Variants in ROS1 observed in about 807,000 individuals in gnomAD.
The protein encoded by ROS1 is ROS proto-oncogene 1, receptor tyrosine kinase, also known as proto-oncogene tyrosine-protein kinase ROS.
A neutral mutation model predicts 273.5 loss-of-function variants in ROS1; 263 were observed. The ratio of observed to expected loss-of-function variants is 0.96; its 90% CI spans 0.87 to 1.06. The LOEUF is 1.06. Ranked by LOEUF, ROS1 falls within the 50% of genes least tolerant of loss-of-function variation. ROS1 has a pLI of 0.00. For synonymous variants in ROS1, 1,008 were observed against 954.1 expected (o/e 1.06, Z -1.04); for missense variants, 2,833 against 2,751.1 (o/e 1.03, Z -0.67).
Position 117,288,698 on chromosome 6 carries a change from C to T in ROS1, c.6820G>A (p.Glu2274Lys), listed in dbSNP as rs1319948197. The T allele has an allele frequency of 6.2e-7, 1 of 1,614,154 alleles. No individual in the cohort carries two copies. ...GACTTTTCTTCACCTTGGCCACATT[C>T]TGTAGCAAGTACCATATAGTTTAAC... ...EGLNYMVLATECGQGEEKSEG... is the reference protein window; with the variant it reads ...EGLNYMVLATKCGQGEEKSEG... Residue 2274 changes from glutamate to lysine, a missense_variant, in exon 44 of 44, where the codon GAA (glutamate) becomes AAA (lysine). Transcript: ENST00000368507.
Position 117,288,467 on chromosome 6 carries a change from ACT to A in ROS1, c.*23_*24del, listed in dbSNP as rs780688866. 33 of 1,573,896 alleles carry A rather than the reference ACT, an allele frequency of 2.1e-5. No individual in the cohort carries two copies. In the South Asian group the frequency reaches 3.9e-4, roughly 19 times the overall value. ...CTACTGAATGAGAGTGTTTATCTCA[ACT>A]CTCTATTTCCCAAACAACGCTATTA... On this transcript the variant is annotated 3_prime_UTR_variant, in exon 44 of 44. Coordinates refer to ENST00000368507, the MANE Select transcript of ROS1 (RefSeq NM_001378902.1).
intron 1 of ROS1, among the ~76,000 whole-genome samples, chr6:117,424,096 A>G (rs1775960691): frequency 6.6e-6 from 1 of 152,234 alleles, no homozygotes; most frequent in African/African-American, 2.4e-5. Context: ...AAACGACAGT[A>G]AAATAAAATG....
intron 34 of ROS1, 55 bp from the exon 35 acceptor site, chr6:117,324,470 C>G (rs2128575417): frequency 1.2e-6 from 1 of 815,406 alleles, no homozygotes; most frequent in Non-Finnish European, 2.0e-6. Flanking sequence ...CTAAGTTGCC[C>G]CAGCTCTACC....
At chr6:117,322,728 TACTC>T (rs1776366465) in intron 35 of ROS1, among the ~76,000 whole-genome samples, 1 of 152,192 alleles carries the variant, frequency 6.6e-6, no homozygotes, top group South Asian at 2.1e-4. Context: ...TTATTTTAAT[TACTC>T]AATCTTTTCT....
At chr6:117,343,106 C>T (rs1367884438) in intron 28 of ROS1, among the ~76,000 whole-genome samples, 8 of 150,840 alleles carry the variant, frequency 5.3e-5, no homozygotes, top group Admixed American at 2.6e-4. Flanking sequence ...TTTAAAGCTT[C>T]GATGTGCCGC....
At chr6:117,385,594 AT>A (rs1303594608) in intron 16 of ROS1, 88 bp downstream of exon 16, 10 of 1,121,008 alleles carry the variant, frequency 8.9e-6, no homozygotes, top group African/African-American at 1.6e-5. Flanking sequence ...GTGCACAGGT[AT>A]TTAAAAAAAA....
intron 18 of ROS1, among the ~76,000 whole-genome samples, chr6:117,378,135 A>G (rs1439873519): frequency 6.6e-6 from 1 of 152,188 alleles, no homozygotes; most frequent in Non-Finnish European, 1.5e-5. Flanking sequence ...GAATATAAAC[A>G]TCTATCTACC....
chr6:117,401,432 C>T lies in ROS1; in HGVS notation c.604+1707G>A, dbSNP rs573743021. 1.5e-4 allele frequency among the ~76,000 whole-genome samples: 23 copies of T among 152,310 alleles called. No homozygotes were observed. In the South Asian group the frequency reaches 3.5e-3, roughly 23 times the overall value. ...CCAAGTCTCTGGCTATGTGTCACATCGCACTTCCTACTTTAAAATCTATCA... is the reference window on the plus strand; with the variant it reads ...CCAAGTCTCTGGCTATGTGTCACATTGCACTTCCTACTTTAAAATCTATCA... On this transcript the variant is annotated intron_variant, in intron 7 of 43. Coordinates refer to ENST00000368507, the MANE Select transcript of ROS1 (RefSeq NM_001378902.1).
At chr6:117,377,770 A>C (rs996114139) in intron 18 of ROS1, among the ~76,000 whole-genome samples, 1 of 152,174 alleles carries the variant, frequency 6.6e-6, no homozygotes, top group Admixed American at 6.5e-5. Flanking sequence ...AGATAAACTA[A>C]ACACTGAGAC....
At chr6:117,329,694 T>A (rs1472111983) in intron 32 of ROS1, among the ~76,000 whole-genome samples, 1 of 152,024 alleles carries the variant, frequency 6.6e-6, no homozygotes, top group African/African-American at 2.4e-5. Context: ...AAGGCTGGCG[T>A]GACCCACAGA....
intron 43 of ROS1, among the ~76,000 whole-genome samples, chr6:117,294,231 T>C (rs1774043375): frequency 6.6e-6 from 1 of 152,106 alleles, no homozygotes; most frequent in African/African-American, 2.4e-5. Context: ...GAAAACATTT[T>C]CTCTAATAAC....
In ROS1 at chr6:117,359,923, A is replaced by C; in HGVS notation, c.3519T>G (p.Phe1173Leu). ...CGGCACTGATAACTCTTTCTGCTGA[A>C]AACGTCCACACAACTTGATTTTGAT... Reference protein sequence around the residue: ...DMDQNQVVWTFSAERVISAVC... With the variant: ...DMDQNQVVWTLSAERVISAVC... The change falls in exon 24 of 44, where the codon TTT becomes TTG. Residue 1173 changes from phenylalanine to leucine, a missense_variant. Transcript: ENST00000368507. The C allele has an allele frequency of 1.9e-6, 3 of 1,614,006 alleles. No individual in the cohort carries two copies. Among genetic ancestry groups the C allele is most frequent in the Non-Finnish European group, 2.5e-6 (3 of 1,179,918 alleles).
chr6:117,385,703 A>G lies in ROS1; in HGVS notation c.2269T>C (p.Trp757Arg), dbSNP rs761749336. Reference sequence around the variant, plus strand: ...CTCACCACATATGTCTTTCCAGCCCAGTAGAGAAAGTGACCCAGCCACTCA... The same window carrying G: ...CTCACCACATATGTCTTTCCAGCCCGGTAGAGAAAGTGACCCAGCCACTCA... ...AFEWLGHFLYWAGKTYVIQRQ... is the reference protein window; with the variant it reads ...AFEWLGHFLYRAGKTYVIQRQ... Residue 757 changes from tryptophan to arginine, a missense_variant, in exon 16 of 44, where the codon TGG becomes CGG. Transcript: ENST00000368507. The G allele has an allele frequency of 6.2e-7, 1 of 1,614,062 alleles. No homozygotes were observed. Among genetic ancestry groups the G allele is most frequent in the Non-Finnish European group, 8.5e-7 (1 of 1,180,010 alleles).
intron 42 of ROS1, among the ~76,000 whole-genome samples, chr6:117,307,893 C>G (rs1306633920): frequency 6.6e-6 from 1 of 152,142 alleles, no homozygotes; most frequent in Admixed American, 6.6e-5. Context: ...CTGTACCACA[C>G]AGTTTAGCAC....
chr6:117,403,016 C>T, intron 7 of ROS1, 123 bp downstream of exon 7: 1 of 1,056,824 alleles, frequency 9.5e-7, no homozygotes, highest in Non-Finnish European at 1.4e-6. Context: ...TAGTTATGTA[C>T]CCAGTTGTTG....
At chr6:117,290,088 T>G (rs1316536478) in intron 43 of ROS1, among the ~76,000 whole-genome samples, 1 of 152,214 alleles carries the variant, frequency 6.6e-6, no homozygotes, top group African/African-American at 2.4e-5. Flanking sequence ...ATCTACAATA[T>G]AGTCTACCCA....
At position 117,366,231 on chromosome 6, in the gene ROS1, T is replaced by G; in HGVS notation, c.2642A>C (p.Asn881Thr). ...AAWSTSEISQNALMYYSGRLF... is the reference protein window; with the variant it reads ...AAWSTSEISQTALMYYSGRLF... ...CCGACCACTATAGTACATCAGTGCA[T>G]TCTGGGAAATTTCAGAAGTACTCCA... The change falls in exon 19 of 44, where the codon AAT becomes ACT. Residue 881 changes from asparagine to threonine, a missense_variant. Asn to Thr is a moderately conservative substitution (Grantham distance 65). Transcript: ENST00000368507. The G allele has an allele frequency of 6.2e-7, 1 of 1,614,108 alleles. No homozygotes were observed. Among genetic ancestry groups the G allele is most frequent in the Non-Finnish European group, 8.5e-7 (1 of 1,179,994 alleles).
intron 1 of ROS1, 108 bp downstream of exon 1, chr6:117,425,426 C>T (rs1776065063): frequency 1.7e-6 from 2 of 1,148,138 alleles, no homozygotes; most frequent in Non-Finnish European, 1.2e-6. Flanking sequence ...GCCACCACTT[C>T]TCATAAGAAA....
At chr6:117,399,987 T>C (rs1773811251) in intron 7 of ROS1, among the ~76,000 whole-genome samples, 1 of 152,206 alleles carries the variant, frequency 6.6e-6, no homozygotes, top group Non-Finnish European at 1.5e-5. Context: ...CTAAATAAAG[T>C]ACAAACTCCT....
Sources: allele counts gnomAD v4.1 joint callset (sites outside exome capture counted in the v4.1 genomes callset), GRCh38; gene constraint gnomAD v4.1.1; transcripts MANE v1.5; gene names NCBI Gene and HGNC (gene_info 2026-07-23, HGNC 2026-07-21).